The following SNF8 variants were observed in gnomAD, a reference collection of about 807,000 sequenced individuals.
SNF8 encodes the protein vacuolar-sorting protein SNF8.
A neutral mutation model predicts 36.8 loss-of-function variants in SNF8; 19 were observed. The ratio of observed to expected loss-of-function variants is 0.52; its 90% CI spans 0.36 to 0.76. SNF8 has a LOEUF of 0.76. Ranked by LOEUF, SNF8 falls within the 30% of genes least tolerant of loss-of-function variation. The pLI is 0.00. For synonymous variants in SNF8, 127 were observed against 127.4 expected (o/e 1.00, Z 0.02); for missense variants, 268 against 322.9 (o/e 0.83, Z 1.30).
At chr17:48,942,416 G>A (rs907569783) in intron 2 of SNF8, among the ~76,000 whole-genome samples, 3 of 151,774 alleles carry the variant, frequency 2.0e-5, no homozygotes, top group East Asian at 1.9e-4. Context: ...TCCCCTGTGA[G>A]TGGGTGCTTT....
At chr17:48,931,470 C>G (rs536701413) in intron 7 of SNF8, among the ~76,000 whole-genome samples, 173 bp downstream of exon 7, 1 of 152,322 alleles carries the variant, frequency 6.6e-6, no homozygotes, top group South Asian at 2.1e-4. Flanking sequence ...CTTCCTAGTT[C>G]TACCTTTTTG....
Position 48,944,695 on chromosome 17 carries a change from T to C in SNF8, c.40A>G (p.Lys14Glu). 6.2e-7 allele frequency: 1 copy of C among 1,612,410 alleles called. No homozygotes were observed. Among genetic ancestry groups the C allele is most frequent in the South Asian group, 1.1e-5 (1 of 90,974 alleles). Residue 14 changes from lysine (K) to glutamate (E), a missense_variant, in exon 1 of 8, where the codon AAG becomes GAG. Lys to Glu is a moderately conservative substitution (Grantham distance 56, BLOSUM62 1). Coordinates refer to ENST00000502492, the MANE Select transcript of SNF8 (RefSeq NM_007241.4). ...TTCCTGCTCACCTCTGCAAGTTTCTTCTTGGCGATGGCGCCAGCTCCCACC... is the reference window on the plus strand; with the variant it reads ...TTCCTGCTCACCTCTGCAAGTTTCTCCTTGGCGATGGCGCCAGCTCCCACC... Reference protein sequence around the residue: ...RGVGAGAIAKKKLAEAKYKER... With the variant: ...RGVGAGAIAKEKLAEAKYKER...
At chr17:48,931,264 T>C (rs555142609) in intron 7 of SNF8, among the ~76,000 whole-genome samples, 1 of 152,214 alleles carries the variant, frequency 6.6e-6, no homozygotes, top group Non-Finnish European at 1.5e-5. Context: ...CTATGCAATA[T>C]AATGCTTAGT....
intron 5 of SNF8, 120 bp from the exon 6 acceptor site, chr17:48,933,466 G>C (rs1003118376): frequency 8.8e-7 from 1 of 1,134,114 alleles, no homozygotes. Context: ...ACTGCCAGGC[G>C]CAATGGCTCA....
chr17:48,936,878 G>A lies in SNF8; in HGVS notation c.349+142C>T, dbSNP rs2040941981. ...ACCCTTGGCCATGGAGACTTGCCAT[G>A]GATTCAACTGCATGAAACAGCTAAG... is the stretch of plus-strand genomic sequence containing the variant. On this transcript the variant is annotated intron_variant, in intron 4 of 7. Coordinates refer to ENST00000502492, the MANE Select transcript of SNF8 (RefSeq NM_007241.4). 3 of 699,508 alleles carry A rather than the reference G, an allele frequency of 4.3e-6. No homozygotes were observed. In the South Asian group the frequency reaches 5.1e-5, roughly 12 times the overall value. The allele number at this position is 699,508 out of a possible 1,614,324, so 43.3% of individuals were successfully genotyped here.
At chr17:48,941,675 C>T (rs1045708764) in intron 2 of SNF8, among the ~76,000 whole-genome samples, 1 of 145,434 alleles carries the variant, frequency 6.9e-6, no homozygotes, top group African/African-American at 2.4e-5. Context: ...AAGACTGTCT[C>T]AATCAATCAA....
chr17:48,936,031 GT>G (rs59383380), intron 5 of SNF8, 138 bp downstream of exon 5: 6,990 of 480,158 alleles, frequency 0.015, no homozygotes, highest in East Asian at 0.022. Context: ...TTTGTTTTTT[GT>G]TTTTTTTTTT....
chr17:48,931,573 C>T, intron 7 of SNF8, 70 bp downstream of exon 7: 2 of 1,276,104 alleles, frequency 1.6e-6, no homozygotes, highest in South Asian at 1.3e-5. Flanking sequence ...GAAGTTCCTG[C>T]ATTTGTGGAA....
In SNF8 at chr17:48,930,377, G is replaced by A. The variant is rs2040839078; in HGVS notation, c.*98C>T. On this transcript the variant is annotated 3_prime_UTR_variant, in exon 8 of 8. Transcript: ENST00000502492. ...GAATGAGGGAAGAAAGAAAAACTTG[G>A]AACTTTTTTTCTATTTTTTGTATAA... The A allele has an allele frequency of 7.0e-6, 9 of 1,291,230 alleles. No homozygotes were observed. The highest frequency in any genetic ancestry group is 3.2e-5 in the Admixed American group (1 of 31,668). 80.0% of individuals were successfully genotyped at this position (1,291,230 alleles called of 1,614,324 possible). A position where few individuals can be genotyped will look rare whatever the true frequency, so the allele number is the denominator to read the frequency against.
intron 5 of SNF8, among the ~76,000 whole-genome samples, chr17:48,935,224 AGCCAGGCG>A (rs2040916898): frequency 6.6e-6 from 1 of 152,096 alleles, no homozygotes; most frequent in Non-Finnish European, 1.5e-5. Flanking sequence ...TACAAAAATT[AGCCAGGCG>A]GCCAGGCGCG....
Position 48,930,230 on chromosome 17 carries a change from G to A in SNF8, c.*245C>T, listed in dbSNP as rs1274061088. 1 of 329,308 alleles carries A rather than the reference G, an allele frequency of 3.0e-6. No individual in the cohort carries two copies. Among genetic ancestry groups the A allele is most frequent in the African/African-American group, 2.1e-5 (1 of 47,490 alleles). The allele number at this position is 329,308 out of a possible 1,614,324, so 20.4% of individuals were successfully genotyped here. A position where few individuals can be genotyped will look rare whatever the true frequency, so the allele number is the denominator to read the frequency against. ...CCAGCTCTTCCATGAACTTGCAGATGACCTACAAAAATCATTTTATATGTG... is the reference window on the plus strand; with the variant it reads ...CCAGCTCTTCCATGAACTTGCAGATAACCTACAAAAATCATTTTATATGTG... On this transcript the variant is annotated 3_prime_UTR_variant, in exon 8 of 8. Transcript: ENST00000502492.
chr17:48,930,863 T>C lies in SNF8; in HGVS notation c.640-251A>G, dbSNP rs534504094. On this transcript the variant is annotated intron_variant, in intron 7 of 7. Transcript: ENST00000502492. ...AGGGGTAAAGCCTAGCATAGTGGAATATAGTGGAAAGAACATAGCTACAGA... is the reference window on the plus strand; with the variant it reads ...AGGGGTAAAGCCTAGCATAGTGGAACATAGTGGAAAGAACATAGCTACAGA... 9.2e-5 allele frequency among the ~76,000 whole-genome samples: 14 copies of C among 152,326 alleles called. No homozygotes were observed. In the South Asian group the frequency reaches 2.7e-3, roughly 29 times the overall value.
At chr17:48,935,878 C>T (rs118118454) in intron 5 of SNF8, 4 of 281,702 alleles carry the variant, frequency 1.4e-5, no homozygotes, top group Non-Finnish European at 2.7e-5. Flanking sequence ...ATAATCCCAA[C>T]TACTTGGGAG....
intron 1 of SNF8, 61 bp downstream of exon 1, chr17:48,944,620 G>A: frequency 1.3e-6 from 2 of 1,559,114 alleles, no homozygotes; most frequent in East Asian, 2.3e-5. Flanking sequence ...ACACTGCTCC[G>A]GGACAATTCA....
At chr17:48,941,342 C>G (rs899961749) in intron 2 of SNF8, among the ~76,000 whole-genome samples, 1 of 151,982 alleles carries the variant, frequency 6.6e-6, no homozygotes, top group African/African-American at 2.4e-5. Context: ...TCAAGGTGCA[C>G]ATATATACAA....
chr17:48,935,418 CAGG>C (rs1167642822), intron 5 of SNF8, among the ~76,000 whole-genome samples: 1 of 151,008 alleles, frequency 6.6e-6, no homozygotes, highest in Non-Finnish European at 1.5e-5. Context: ...GAGGCTGAGG[CAGG>C]AGAATGGCGT....
intron 2 of SNF8, 94 bp from the exon 3 acceptor site, chr17:48,941,156 T>C: frequency 7.1e-7 from 1 of 1,413,320 alleles, no homozygotes; most frequent in Non-Finnish European, 9.8e-7. Context: ...GGGCAAAGGC[T>C]GAAATAACCA....
intron 3 of SNF8, among the ~76,000 whole-genome samples, chr17:48,937,943 A>AATAT (rs139504239): frequency 1.9e-4 from 28 of 149,842 alleles, no homozygotes; most frequent in Admixed American, 1.3e-3. Flanking sequence ...TAAATAAATA[A>AATAT]AAATAAATAA....
At position 48,937,007 on chromosome 17, in the gene SNF8, T is replaced by C. The variant is rs764220340; in HGVS notation, c.349+13A>G. On this transcript the variant is annotated intron_variant, in intron 4 of 7. Coordinates refer to ENST00000502492, the MANE Select transcript of SNF8 (RefSeq NM_007241.4). ...AGTCCAGAGTCCAGTTCACAGGACC[T>C]AGCCACCCTCACCTCCATTCCGATG... The C allele has an allele frequency of 5.0e-6, 8 of 1,597,900 alleles. No homozygotes were observed. The Admixed American group carries it at 1.3e-4, about 27-fold the overall frequency.
Sources: allele counts gnomAD v4.1 joint callset (sites outside exome capture counted in the v4.1 genomes callset), GRCh38; gene constraint gnomAD v4.1.1; transcripts MANE v1.5; gene names NCBI Gene and HGNC (gene_info 2026-07-23, HGNC 2026-07-21).